Variants in HHAT observed in about 807,000 individuals in gnomAD.
HHAT encodes the protein hedgehog acyltransferase.
A neutral mutation model predicts 70.8 loss-of-function variants in HHAT; 47 were observed. The observed-to-expected ratio is 0.66, with a 90% CI of 0.53 to 0.85. HHAT has a LOEUF of 0.85. HHAT is among the 40% of genes least tolerant of loss of function. HHAT has a pLI of 0.00. For synonymous variants in HHAT, 228 were observed against 247.6 expected (o/e 0.92, Z 0.74); for missense variants, 609 against 604.8 (o/e 1.01, Z -0.07).
chr1:210,419,483 C>T (rs369875662), intron 7 of HHAT, among the ~76,000 whole-genome samples: 1 of 152,196 alleles, frequency 6.6e-6, no homozygotes, highest in East Asian at 1.9e-4. Context: ...AGGACTCCCG[C>T]AGTGGCTGAC....
intron 11 of HHAT, among the ~76,000 whole-genome samples, chr1:210,636,893 TG>T (rs1336024207): frequency 6.6e-6 from 1 of 152,142 alleles, no homozygotes; most frequent in African/African-American, 2.4e-5. Context: ...CCCTGATTTC[TG>T]AGGGCTGTTA....
At chr1:210,349,882 C>T (rs573452755) in intron 2 of HHAT, among the ~76,000 whole-genome samples, 1 of 152,226 alleles carries the variant, frequency 6.6e-6, no homozygotes, top group East Asian at 1.9e-4. Context: ...AACTCCTGAC[C>T]TCAGGTGATC....
chr1:210,329,378 C>A, intron 1 of HHAT: 1 of 1,166,080 alleles, frequency 8.6e-7, no homozygotes, highest in Non-Finnish European at 1.1e-6. Context: ...CTCTCCTTGG[C>A]TTCGTCCCCA....
intron 9 of HHAT, among the ~76,000 whole-genome samples, chr1:210,554,033 C>A (rs2095551031): frequency 6.6e-6 from 1 of 152,092 alleles, no homozygotes; most frequent in Non-Finnish European, 1.5e-5. Flanking sequence ...ACATCATGGG[C>A]ACGCAAAGCC....
chr1:210,622,357 C>T lies in HHAT; in HGVS notation c.1246-1169C>T, dbSNP rs1669003476. ...GCTTATCAGATACCCTGGGCCCCTGCATGTCCCGCTGCTGTGCTGTACCTG... is the reference window on the plus strand; with the variant it reads ...GCTTATCAGATACCCTGGGCCCCTGTATGTCCCGCTGCTGTGCTGTACCTG... On this transcript the variant is annotated intron_variant, in intron 10 of 11. Transcript: ENST00000261458. Among the ~76,000 whole-genome samples, 3 of 152,318 alleles carry T rather than the reference C, an allele frequency of 2.0e-5. No homozygotes were observed. In the South Asian group the frequency reaches 6.2e-4, roughly 32 times the overall value.
At chr1:210,617,047 G>A (rs1483172788) in intron 10 of HHAT, among the ~76,000 whole-genome samples, 1 of 152,232 alleles carries the variant, frequency 6.6e-6, no homozygotes, top group Non-Finnish European at 1.5e-5. Context: ...CATGTGCTGG[G>A]CAACACAGGT....
In HHAT at chr1:210,404,455, A is replaced by AT; in HGVS notation, c.469-5dup. On this transcript the variant is annotated splice_polypyrimidine_tract_variant and intron_variant, in intron 5 of 11. Transcript: ENST00000261458. ...ACTCAAAGGTTGTTCTCTCCTTTTG[A>AT]TTTTGTAGAGAAGGTGGTACAAGAC... 1 of 1,606,900 alleles carries AT rather than the reference A, an allele frequency of 6.2e-7. No homozygotes were observed. The highest frequency in any genetic ancestry group is 8.5e-7 in the Non-Finnish European group (1 of 1,175,246).
chr1:210,338,217 A>G (rs1459542027), intron 1 of HHAT, among the ~76,000 whole-genome samples: 6 of 151,814 alleles, frequency 4.0e-5, no homozygotes, highest in African/African-American at 1.2e-4. Context: ...GCTCTTGTCT[A>G]TAGTCCCAGC....
intron 7 of HHAT, among the ~76,000 whole-genome samples, chr1:210,436,543 C>T (rs2093380451): frequency 6.6e-6 from 1 of 151,512 alleles, no homozygotes; most frequent in Non-Finnish European, 1.5e-5. Flanking sequence ...AGTTTCTGTG[C>T]CTGATCAGGG....
At chr1:210,598,697 G>A (rs1387504749) in intron 10 of HHAT, among the ~76,000 whole-genome samples, 1 of 152,196 alleles carries the variant, frequency 6.6e-6, no homozygotes, top group East Asian at 1.9e-4. Context: ...GCTGTTGGAG[G>A]ATGGAGGAGA....
At chr1:210,505,881 T>C (rs80284241) in intron 8 of HHAT, among the ~76,000 whole-genome samples, 41 of 152,286 alleles carry the variant, frequency 2.7e-4, no homozygotes, top group African/African-American at 9.1e-4. Flanking sequence ...TATTTGCCAC[T>C]CCTGGCCATA....
Position 210,393,699 on chromosome 1 carries a change from G to C in HHAT, c.273+6118G>C, listed in dbSNP as rs542805322. Among the ~76,000 whole-genome samples, 13 of 152,206 alleles carry C rather than the reference G, an allele frequency of 8.5e-5. No homozygotes were observed. The South Asian group carries it at 2.7e-3, about 32-fold the overall frequency. ...GCAGAGCACATCTTATCCAATATCA[G>C]TAGGAGGTATTCCTTTGCATTTTTC... On this transcript the variant is annotated intron_variant, in intron 4 of 11. Coordinates refer to ENST00000261458, the MANE Select transcript of HHAT (RefSeq NM_018194.6).
chr1:210,394,229 C>CTTTTTT lies in HHAT; in HGVS notation c.274-6209_274-6204dup, dbSNP rs59554789. ...TTTTATTTTCAAAAGCATGATCTAT[C>CTTTTTT]TTTTTTTTTTTTTTTTTTTTTTTTT... On this transcript the variant is annotated intron_variant, in intron 4 of 11. Transcript: ENST00000261458. Among the ~76,000 whole-genome samples, 174 of 116,242 alleles carry CTTTTTT rather than the reference C, an allele frequency of 1.5e-3. 10 individuals are homozygous for CTTTTTT. Among genetic ancestry groups the CTTTTTT allele is most frequent in the East Asian group, 5.0e-3 (12 of 2,400 alleles). The allele number at this position is 116,242 out of a possible 152,430, so 76.3% of individuals were successfully genotyped here.
rs564876373 is a variant in HHAT, at chr1:210,523,069, A to G, written c.1043+9881A>G. Among the ~76,000 whole-genome samples, 14 of 151,994 alleles carry G rather than the reference A, an allele frequency of 9.2e-5. No individual in the cohort carries two copies. The South Asian group carries it at 2.5e-3, about 27-fold the overall frequency. ...CCTCTTCCCAGTCCCCTCACCTTTC[A>G]TGGCTTTTCTTTGACTTTGCTTATG... On this transcript the variant is annotated intron_variant, in intron 9 of 11. Transcript: ENST00000261458.
chr1:210,520,440 T>TC (rs2095138606), intron 9 of HHAT, among the ~76,000 whole-genome samples: 1 of 152,356 alleles, frequency 6.6e-6, no homozygotes, highest in East Asian at 1.9e-4. Flanking sequence ...TTTCCTTTTT[T>TC]CCTCTCACTT....
At chr1:210,500,579 G>A (rs1248525426) in intron 8 of HHAT, among the ~76,000 whole-genome samples, 2 of 152,192 alleles carry the variant, frequency 1.3e-5, no homozygotes, top group East Asian at 1.9e-4. Flanking sequence ...GAGAGGAGGT[G>A]TAAGTCATAT....
intron 8 of HHAT, among the ~76,000 whole-genome samples, chr1:210,502,578 C>T (rs1486784273): frequency 6.6e-6 from 1 of 152,110 alleles, no homozygotes; most frequent in Non-Finnish European, 1.5e-5. Flanking sequence ...ATCATGCATT[C>T]ATGCATTTAC....
chr1:210,492,787 C>G (rs1204745464), intron 8 of HHAT, among the ~76,000 whole-genome samples: 1 of 152,120 alleles, frequency 6.6e-6, no homozygotes, highest in Non-Finnish European at 1.5e-5. Context: ...TTAGTAGCAA[C>G]TGGCTAGGTT....
intron 1 of HHAT, among the ~76,000 whole-genome samples, chr1:210,342,843 T>C (rs3765885): frequency 0.021 from 3,143 of 152,310 alleles, 50 homozygotes; most frequent in Middle Eastern, 0.037. Flanking sequence ...TTCCCAAATA[T>C]ATAGTTTTCC....
Sources: gnomAD v4.1 joint callset for allele counts (sites outside exome capture counted in the v4.1 genomes callset) on GRCh38, gnomAD v4.1.1 for gene constraint, MANE v1.5 for transcripts, NCBI Gene and HGNC (gene_info 2026-07-23, HGNC 2026-07-21) for gene names.